USP24: variants seen among roughly 807,000 people sequenced by gnomAD.
The protein encoded by USP24 is ubiquitin carboxyl-terminal hydrolase 24.
A neutral mutation model predicts 361.6 loss-of-function variants in USP24; 97 were observed. The ratio of observed to expected loss-of-function variants is 0.27; its 90% CI spans 0.23 to 0.32. The LOEUF (loss-of-function observed/expected upper bound fraction) is 0.32. Ranked by LOEUF, USP24 falls within the 10% of genes least tolerant of loss-of-function variation. The pLI, the probability that USP24 is intolerant of heterozygous loss-of-function variation, is 1.00. For missense variants in USP24, 2,353 were observed against 3,165.6 expected (o/e 0.74, Z 6.16); for synonymous variants, 1,098 against 1,124.6 (o/e 0.98, Z 0.47).
chr1:55,119,832 C>G (rs905517021), intron 38 of USP24, among the ~76,000 whole-genome samples: 1 of 151,924 alleles, frequency 6.6e-6, no homozygotes, highest in Non-Finnish European at 1.5e-5. Context: ...TTTATGGAGT[C>G]AAATTTATCA....
intron 28 of USP24, among the ~76,000 whole-genome samples, chr1:55,135,630 A>G (rs1228945009): frequency 6.6e-6 from 1 of 152,174 alleles, no homozygotes; most frequent in Non-Finnish European, 1.5e-5. Flanking sequence ...CTCAACTTGC[A>G]CTAAACTTGA....
intron 67 of USP24, among the ~76,000 whole-genome samples, chr1:55,070,057 C>G (rs1339953022): frequency 6.6e-6 from 1 of 151,636 alleles, no homozygotes; most frequent in African/African-American, 2.4e-5. Flanking sequence ...CAGATGTAGG[C>G]AGAGAGGGGC....
At chr1:55,160,589 G>A (rs1570577903) in intron 8 of USP24, among the ~76,000 whole-genome samples, 1 of 152,266 alleles carries the variant, frequency 6.6e-6, no homozygotes, top group East Asian at 1.9e-4. Flanking sequence ...TATTATATGA[G>A]TTTATTGCTG....
chr1:55,085,359 T>C (rs1362329065), intron 56 of USP24, among the ~76,000 whole-genome samples: 3 of 152,250 alleles, frequency 2.0e-5, no homozygotes, highest in African/African-American at 7.2e-5. Flanking sequence ...TTTAGTTCAT[T>C]GAGGCACAAT....
intron 43 of USP24, among the ~76,000 whole-genome samples, chr1:55,101,252 T>C (rs1645626658): frequency 6.6e-6 from 1 of 152,214 alleles, no homozygotes; most frequent in African/African-American, 2.4e-5. Flanking sequence ...CCACTGACCA[T>C]ATTATTGTAA....
intron 59 of USP24, 148 bp from the exon 60 acceptor site, chr1:55,079,807 C>CT (rs1491541145): frequency 1.3e-6 from 1 of 757,072 alleles, no homozygotes; most frequent in African/African-American, 2.0e-5. Context: ...TACTCACACA[C>CT]TGAGTACTCG....
intron 41 of USP24, among the ~76,000 whole-genome samples, chr1:55,104,270 A>T (rs762008318): frequency 3.9e-5 from 6 of 152,184 alleles, no homozygotes; most frequent in Non-Finnish European, 5.9e-5. Flanking sequence ...CATCTAATGA[A>T]TGGATCAGCA....
chr1:55,158,858 G>A lies in USP24; in HGVS notation c.1227+20C>T. 1 of 1,473,122 alleles carries A rather than the reference G, an allele frequency of 6.8e-7. No individual in the cohort carries two copies. Among genetic ancestry groups the A allele is most frequent in the Non-Finnish European group, 9.1e-7 (1 of 1,099,868 alleles). 91.3% of individuals were successfully genotyped at this position (1,473,122 alleles called of 1,614,324 possible). Reference sequence around the variant, plus strand: ...TAGTATCTGTGCATTAAGTCTTGTAGAAACAAATGAAAAACTTACTTCTTT... The same window carrying A: ...TAGTATCTGTGCATTAAGTCTTGTAAAAACAAATGAAAAACTTACTTCTTT... On this transcript the variant is annotated intron_variant, in intron 10 of 67. Coordinates refer to ENST00000294383, the MANE Select transcript of USP24 (RefSeq NM_015306.3).
At position 55,066,856 on chromosome 1, in the gene USP24, A is replaced by G. The variant is rs1240444949; in HGVS notation, c.*2189T>C. ...GGTTTATAAAAACATCTTCATCCAAAAAATTGGCAGTAAAAATGACAACTC... is the reference window on the plus strand; with the variant it reads ...GGTTTATAAAAACATCTTCATCCAAGAAATTGGCAGTAAAAATGACAACTC... On this transcript the variant is annotated 3_prime_UTR_variant, in exon 68 of 68. Coordinates refer to ENST00000294383, the MANE Select transcript of USP24 (RefSeq NM_015306.3). The G allele has an allele frequency of 2.6e-5, 4 of 152,144 alleles. No homozygotes were observed. Among genetic ancestry groups the G allele is most frequent in the Non-Finnish European group, 4.4e-5 (3 of 68,018 alleles). 9.4% of individuals were successfully genotyped at this position (152,144 alleles called of 1,614,324 possible).
At chr1:55,112,504 T>G (rs894386997) in intron 38 of USP24, among the ~76,000 whole-genome samples, 6 of 152,016 alleles carry the variant, frequency 3.9e-5, no homozygotes, top group African/African-American at 1.5e-4. Context: ...AAATAACTTA[T>G]TTATTTCTGC....
intron 7 of USP24, among the ~76,000 whole-genome samples, chr1:55,163,797 T>C (rs557811538): frequency 2.0e-5 from 3 of 152,030 alleles, no homozygotes; most frequent in Non-Finnish European, 4.4e-5. Flanking sequence ...AAATACAATA[T>C]TCCTGGGATG....
chr1:55,162,986 T>C (rs765801566), intron 7 of USP24, among the ~76,000 whole-genome samples: 2 of 152,058 alleles, frequency 1.3e-5, no homozygotes, highest in Admixed American at 6.5e-5. Context: ...AACAAATCCA[T>C]TGGCACACGG....
intron 39 of USP24, among the ~76,000 whole-genome samples, 200 bp from the exon 40 acceptor site, chr1:55,107,630 T>A (rs1310454306): frequency 4.0e-5 from 6 of 151,400 alleles, no homozygotes; most frequent in Admixed American, 3.9e-4. Context: ...GATCATGAGG[T>A]CAGGAGTTCG....
At chr1:55,111,549 G>C (rs144057232) in intron 38 of USP24, among the ~76,000 whole-genome samples, 496 of 152,152 alleles carry the variant, frequency 3.3e-3, no homozygotes, top group African/African-American at 0.011. Flanking sequence ...ACTAGGAAAA[G>C]TTGGAATTCT....
chr1:55,147,745 T>C lies in USP24; in HGVS notation c.2022A>G (p.Gly674=). 6.2e-7 allele frequency: 1 copy of C among 1,612,884 alleles called. No individual in the cohort carries two copies. The highest frequency in any genetic ancestry group is 8.5e-7 in the Non-Finnish European group (1 of 1,179,350). ...KNFEIVKLVT[G]SLIACHRLAA... ...CAAGCCGATGACAAGCGATCAAACT[T>C]CCCGTTACCAATTTCACTATTTCAA... is the stretch of plus-strand genomic sequence containing the variant. The change falls in exon 18 of 68, where the codon GGA becomes GGG. Residue 674 remains glycine, a synonymous_variant. Coordinates refer to ENST00000294383, the MANE Select transcript of USP24 (RefSeq NM_015306.3).
At position 55,123,593 on chromosome 1, in the gene USP24, C is replaced by CAAT; in HGVS notation, c.4127_4129dup (p.Asn1376_Cys1377insTyr). 6.3e-7 allele frequency: 1 copy of CAAT among 1,591,600 alleles called. No homozygotes were observed. The highest frequency in any genetic ancestry group is 8.6e-7 in the Non-Finnish European group (1 of 1,168,712). On this transcript the variant is annotated inframe_insertion, in exon 36 of 68. Coordinates refer to ENST00000294383, the MANE Select transcript of USP24 (RefSeq NM_015306.3). ...TGGTTCTCCTTCACTTCCAGAGCTGCAATTGCTTCCTGAAAACAGGTAAGC... is the reference window on the plus strand; with the variant it reads ...TGGTTCTCCTTCACTTCCAGAGCTGCAATAATTGCTTCCTGAAAACAGGTAAGC...
intron 54 of USP24, among the ~76,000 whole-genome samples, chr1:55,091,449 T>C (rs1371896240): frequency 1.3e-5 from 2 of 152,166 alleles, no homozygotes; most frequent in Non-Finnish European, 2.9e-5. Flanking sequence ...TATTGGAGGC[T>C]GTTGTTCTAA....
At chr1:55,091,158 T>TC (rs764503619) in intron 54 of USP24, among the ~76,000 whole-genome samples, 1 of 151,608 alleles carries the variant, frequency 6.6e-6, no homozygotes, top group Non-Finnish European at 1.5e-5. Context: ...AAGGCAGAGG[T>TC]CCCCAAGCCC....
intron 20 of USP24, 48 bp downstream of exon 20, chr1:55,145,950 C>CT: frequency 7.7e-7 from 1 of 1,306,564 alleles, no homozygotes; most frequent in Non-Finnish European, 1.1e-6. Context: ...AAGAATAACA[C>CT]TTCTTACTTA....
Sources: gnomAD v4.1 joint callset for allele counts (sites outside exome capture counted in the v4.1 genomes callset) on GRCh38, gnomAD v4.1.1 for gene constraint, MANE v1.5 for transcripts, NCBI Gene and HGNC (gene_info 2026-07-23, HGNC 2026-07-21) for gene names.